POLA1: variants seen among roughly 807,000 people sequenced by gnomAD.
POLA1 encodes the protein DNA polymerase alpha catalytic subunit.
POLA1 carries 15 observed loss-of-function variants against 124.0 expected under a neutral mutation model. The ratio of observed to expected loss-of-function variants is 0.12; its 90% CI spans 0.08 to 0.19. The LOEUF is 0.19. Ranked by LOEUF, POLA1 falls within the 10% of genes least tolerant of loss-of-function variation. The pLI is 1.00. For synonymous variants in POLA1, 408 were observed against 389.4 expected, an observed-to-expected ratio of 1.05 and a Z score of -0.56; for missense variants, 886 against 1,103.4, an observed-to-expected ratio of 0.80 and a Z score of 2.79.
chrX:24,812,677 A>G lies in POLA1; in HGVS notation c.3110A>G (p.Lys1037Arg). 2 of 1,192,107 alleles carry G rather than the reference A, an allele frequency of 1.7e-6. No homozygotes were observed. Among genetic ancestry groups the G allele is most frequent in the Non-Finnish European group, 2.3e-6 (2 of 879,293 alleles). Residue 1037 changes from lysine (K) to arginine (R), a missense_variant, in exon 29 of 37, where the codon AAG becomes AGG. Physicochemically the swap from Lys to Arg is conservative, Grantham distance 26 (BLOSUM62 2). Coordinates refer to ENST00000379068, the MANE Select transcript of POLA1 (RefSeq NM_001330360.2). ...TCACAGGTAAAAAGTGAAGTGAATAAGTTGTACAAACTGCTTGAAATAGAC... is the reference window on the plus strand; with the variant it reads ...TCACAGGTAAAAAGTGAAGTGAATAGGTTGTACAAACTGCTTGAAATAGAC... ...LGNKVKSEVNKLYKLLEIDID... is the reference protein window; with the variant it reads ...LGNKVKSEVNRLYKLLEIDID...
intron 26 of POLA1, among the ~76,000 whole-genome samples, chrX:24,784,255 G>T (rs1325274963): frequency 9.3e-6 from 1 of 107,549 alleles, no homozygotes; most frequent in Non-Finnish European, 1.9e-5. Context: ...ATTTCACCAT[G>T]TTGGCCACTC....
At chrX:24,942,234 G>A (rs1249728828) in intron 36 of POLA1, among the ~76,000 whole-genome samples, 1 of 112,130 alleles carries the variant, frequency 8.9e-6, no homozygotes, top group Non-Finnish European at 1.9e-5. Context: ...TGACACTTCT[G>A]AGATGAGAAA....
At chrX:24,963,046 T>C (rs1048762431) in intron 36 of POLA1, among the ~76,000 whole-genome samples, 5 of 111,529 alleles carry the variant, frequency 4.5e-5, no homozygotes, top group African/African-American at 1.3e-4. Context: ...CTTTGAACTG[T>C]GGGTTTTATT....
chrX:24,829,877 TA>T (rs758287977), intron 32 of POLA1, among the ~76,000 whole-genome samples: 299 of 112,156 alleles, frequency 2.7e-3, no homozygotes, highest in African/African-American at 8.9e-3. Context: ...TTTCTTTATA[TA>T]AAAAAACTGC....
rs1450841618 is a variant in POLA1, at chrX:24,812,800, A to G, written c.3233A>G (p.Gln1078Arg). 8.3e-7 allele frequency: 1 copy of G among 1,202,329 alleles called. No homozygotes were observed. Among genetic ancestry groups the G allele is most frequent in the African/African-American group, 1.8e-5 (1 of 56,894 alleles). ...PTSDGNYVTK[Q>R]ELKGLDIVRR... ...TCGGATGGGAATTATGTCACCAAAC[A>G]GGAGCTCAAAGGATTAGATATAGTT... is the stretch of plus-strand genomic sequence containing the variant. Residue 1078 changes from glutamine to arginine, a missense_variant, in exon 29 of 37, where the codon CAG becomes CGG. Coordinates refer to ENST00000379068, the MANE Select transcript of POLA1 (RefSeq NM_001330360.2).
intron 36 of POLA1, among the ~76,000 whole-genome samples, chrX:24,936,018 T>C (rs2047844010): frequency 8.9e-6 from 1 of 112,403 alleles, no homozygotes; most frequent in Non-Finnish European, 1.9e-5. Flanking sequence ...GAATATCCAG[T>C]CACTTAACTA....
rs1318370225 is a variant in POLA1, at chrX:24,809,924, A to G, written c.2991A>G (p.Val997=). ...REILMHTKEM[V]QKMNLEVIYG... is the part of the protein sequence containing the mutation. ...TTTTGATGCATACGAAAGAGATGGT[A>G]CAAAAGGTAATGTTGAGCATTTTCA... The change falls in exon 27 of 37, where the codon GTA becomes GTG. Residue 997 remains valine (V), a synonymous_variant. Transcript: ENST00000379068. The G allele has an allele frequency of 1.8e-6, 2 of 1,092,899 alleles. No homozygotes were observed. The highest frequency in any genetic ancestry group is 6.2e-5 in the East Asian group (2 of 32,316). The allele number at this position is 1,092,899 out of a possible 1,213,427, so 90.1% of individuals were successfully genotyped here.
At chrX:24,757,436 CTTTTTTTT>C (rs66782103) in intron 26 of POLA1, among the ~76,000 whole-genome samples, 3 of 62,143 alleles carry the variant, frequency 4.8e-5, no homozygotes, top group African/African-American at 2.5e-4. Context: ...AAATCTGAAA[CTTTTTTTT>C]TTTTTTTTTT....
chrX:24,716,545 A>C (rs1929856559), intron 7 of POLA1, 91 bp downstream of exon 7: 3 of 513,451 alleles, frequency 5.8e-6, no homozygotes, highest in Admixed American at 7.0e-5. Context: ...ATACCTTTAC[A>C]TTTGTTTTTG....
At chrX:24,881,677 A>G (rs1245635460) in intron 34 of POLA1, among the ~76,000 whole-genome samples, 1 of 111,795 alleles carries the variant, frequency 8.9e-6, no homozygotes, top group Non-Finnish European at 1.9e-5. Flanking sequence ...ATGGTAAAAT[A>G]AGATGGTTAA....
At chrX:24,747,470 G>A (rs150230171) in intron 24 of POLA1, among the ~76,000 whole-genome samples, 1,183 of 110,174 alleles carry the variant, frequency 0.011, 8 homozygotes, top group Non-Finnish European at 0.015. Context: ...TGGCTGCTCC[G>A]AACTCTTAAA....
intron 30 of POLA1, among the ~76,000 whole-genome samples, chrX:24,817,020 CTAT>C (rs2046000624): frequency 9.0e-6 from 1 of 111,630 alleles, no homozygotes; most frequent in South Asian, 3.8e-4. Context: ...TAGTGACATT[CTAT>C]TATTAACAAT....
chrX:24,845,530 C>T (rs1421221084), intron 34 of POLA1, among the ~76,000 whole-genome samples: 7 of 111,636 alleles, frequency 6.3e-5, no homozygotes, highest in African/African-American at 2.3e-4. Flanking sequence ...TACAAAAAGC[C>T]CCTGTACCTT....
At chrX:24,739,982 C>T (rs910968047) in intron 20 of POLA1, among the ~76,000 whole-genome samples, 3 of 111,383 alleles carry the variant, frequency 2.7e-5, no homozygotes, top group African/African-American at 9.8e-5. Flanking sequence ...TTTGTTCTTT[C>T]TCTAGGTGAT....
At chrX:24,960,382 A>G (rs2048155353) in intron 36 of POLA1, among the ~76,000 whole-genome samples, 3 of 111,877 alleles carry the variant, frequency 2.7e-5, no homozygotes, top group Admixed American at 9.5e-5. Context: ...CTAGTAGGCC[A>G]TATGTGTTAG....
chrX:24,830,118 A>G, intron 32 of POLA1, among the ~76,000 whole-genome samples: 1 of 112,416 alleles, frequency 8.9e-6, no homozygotes, highest in East Asian at 2.8e-4. Context: ...TTCATTTAGG[A>G]AAATTATTAA....
At chrX:24,864,867 G>T (rs2046771862) in intron 34 of POLA1, among the ~76,000 whole-genome samples, 1 of 111,418 alleles carries the variant, frequency 9.0e-6, no homozygotes, top group African/African-American at 3.3e-5. Context: ...GACTTCTGGA[G>T]AACAGGGGAA....
At chrX:24,699,926 A>G (rs938629948) in intron 2 of POLA1, among the ~76,000 whole-genome samples, 1 of 104,711 alleles carries the variant, frequency 9.6e-6, no homozygotes, top group African/African-American at 3.5e-5. Flanking sequence ...TACTTCTTGG[A>G]GAGAACTGTT....
chrX:24,971,460 G>T (rs1422210532), intron 36 of POLA1, among the ~76,000 whole-genome samples: 1 of 112,596 alleles, frequency 8.9e-6, no homozygotes, highest in Admixed American at 9.4e-5. Context: ...CAGATTGGTG[G>T]TTTTATCATT....
Sources: gnomAD v4.1 joint callset for allele counts (sites outside exome capture counted in the v4.1 genomes callset) on GRCh38, gnomAD v4.1.1 for gene constraint, MANE v1.5 for transcripts, NCBI Gene and HGNC (gene_info 2026-07-23, HGNC 2026-07-21) for gene names.